The following BID variants were observed in gnomAD, a reference collection of about 807,000 sequenced individuals.
BID encodes BH3 interacting domain death agonist.
Under a neutral mutation model 17.4 loss-of-function variants are expected in BID, and 19 were observed. The ratio of observed to expected loss-of-function variants is 1.09; its 90% CI spans 0.76 to 1.60. The LOEUF (loss-of-function observed/expected upper bound fraction) is 1.60. BID is among the 40% of genes most tolerant of loss of function. BID has a pLI of 0.00. For synonymous variants in BID, 108 were observed against 102.8 expected (o/e 1.05, Z -0.31); for missense variants, 226 against 256.0 (o/e 0.88, Z 0.80).
intron 3 of BID, 191 bp from the exon 4 acceptor site, chr22:17,739,679 C>T: frequency 1.3e-6 from 1 of 744,608 alleles, no homozygotes; most frequent in South Asian, 1.9e-5. Flanking sequence ...GGGTTCTGGG[C>T]AGTGCCGGAG....
intron 1 of BID, among the ~76,000 whole-genome samples, chr22:17,762,234 C>T (rs546513950): frequency 2.6e-5 from 4 of 152,268 alleles, no homozygotes; most frequent in African/African-American, 9.6e-5. Flanking sequence ...AGGTGGCTCA[C>T]GCTCGTAATC....
chr22:17,752,988 A>G (rs1231030608), intron 1 of BID, among the ~76,000 whole-genome samples: 1 of 90,890 alleles, frequency 1.1e-5, no homozygotes, highest in Non-Finnish European at 2.1e-5. Flanking sequence ...TTTTTTTGAG[A>G]TGGAGTCTCG....
At position 17,740,754 on chromosome 22, in the gene BID, G is replaced by C. The variant is rs147887956; in HGVS notation, c.224-1266C>G. On this transcript the variant is annotated intron_variant, in intron 3 of 5. Coordinates refer to ENST00000622694, the MANE Select transcript of BID (RefSeq NM_001196.4). ...TACAAAAAACTTTTAAAGGGAGCCA[G>C]GTGTACCGCACGTACCTATAATCCC... 2.7e-3 allele frequency: 416 copies of C among 156,334 alleles called. 6 individuals carry two copies. The highest frequency in any genetic ancestry group is 0.026 in the South Asian group (139 of 5,270). 9.7% of individuals were successfully genotyped at this position (156,334 alleles called of 1,614,324 possible).
intron 1 of BID, among the ~76,000 whole-genome samples, chr22:17,770,353 G>A (rs774834357): frequency 5.9e-5 from 9 of 152,178 alleles, no homozygotes; most frequent in Non-Finnish European, 8.8e-5. Context: ...ATCACATGCA[G>A]TATCAGAAAA....
intron 1 of BID, among the ~76,000 whole-genome samples, chr22:17,755,892 G>A (rs1325379917): frequency 6.6e-6 from 1 of 152,070 alleles, no homozygotes; most frequent in Non-Finnish European, 1.5e-5. Context: ...TTCTGAGACG[G>A]AGTCTCACTC....
chr22:17,739,521 A>G (rs2061443586), intron 3 of BID, 33 bp from the exon 4 acceptor site: 7 of 1,594,572 alleles, frequency 4.4e-6, no homozygotes, highest in Non-Finnish European at 6.0e-6. Flanking sequence ...GAGACAGAGC[A>G]GACTCAGAAA....
intron 1 of BID, among the ~76,000 whole-genome samples, chr22:17,767,661 A>G (rs1295979768): frequency 2.0e-5 from 3 of 152,234 alleles, no homozygotes; most frequent in African/African-American, 7.2e-5. Flanking sequence ...CAATATGACC[A>G]CAAACCAATG....
intron 1 of BID, among the ~76,000 whole-genome samples, chr22:17,757,224 A>G (rs1178867662): frequency 6.6e-6 from 1 of 151,378 alleles, no homozygotes; most frequent in Non-Finnish European, 1.5e-5. Context: ...AGACCAGCCT[A>G]GGCAATCTGG....
intron 1 of BID, among the ~76,000 whole-genome samples, chr22:17,753,357 G>A (rs1251162216): frequency 6.6e-6 from 1 of 152,236 alleles, no homozygotes. Context: ...ACAGAGTGAG[G>A]GCAGCTCCCC....
chr22:17,749,976 G>T, intron 2 of BID, 129 bp downstream of exon 2: 1 of 890,042 alleles, frequency 1.1e-6, no homozygotes, highest in Non-Finnish European at 1.7e-6. Flanking sequence ...GGGTTCGTCT[G>T]TGCCGAGCTG....
chr22:17,750,083 C>A (rs1161022676), intron 2 of BID, 22 bp downstream of exon 2: 2 of 1,610,562 alleles, frequency 1.2e-6, no homozygotes, highest in Non-Finnish European at 1.7e-6. Flanking sequence ...ACAAGGCACC[C>A]GCAGGGGATC....
At chr22:17,752,700 G>A (rs1010168543) in intron 1 of BID, among the ~76,000 whole-genome samples, 1 of 151,000 alleles carries the variant, frequency 6.6e-6, no homozygotes, top group South Asian at 2.1e-4. Flanking sequence ...GAGTCTCACT[G>A]TGTCGCCCAG....
At chr22:17,758,106 G>A (rs1414631268) in intron 1 of BID, among the ~76,000 whole-genome samples, 1 of 152,196 alleles carries the variant, frequency 6.6e-6, no homozygotes, top group Non-Finnish European at 1.5e-5. Context: ...AGGTAACGGG[G>A]TCCAGTCATG....
At chr22:17,740,155 G>A in intron 3 of BID, 1 of 1,612,144 alleles carries the variant, frequency 6.2e-7, no homozygotes, top group Middle Eastern at 1.7e-4. Flanking sequence ...CTCAGCACTT[G>A]CTGTGTTATT....
At chr22:17,745,443 T>C (rs972583393) in intron 2 of BID, among the ~76,000 whole-genome samples, 2 of 151,990 alleles carry the variant, frequency 1.3e-5, no homozygotes, top group African/African-American at 4.8e-5. Context: ...GGAGGATCGT[T>C]TGAGCCCAGG....
intron 2 of BID, among the ~76,000 whole-genome samples, chr22:17,748,449 A>G (rs1444180801): frequency 2.0e-5 from 3 of 152,112 alleles, no homozygotes; most frequent in Non-Finnish European, 2.9e-5. Context: ...CGGAGCCTGC[A>G]GTGAGCGGAG....
At chr22:17,756,420 CTTTCTTTCTTTCTTCTTTCTT>C (rs1569047552) in intron 1 of BID, among the ~76,000 whole-genome samples, 21 of 131,350 alleles carry the variant, frequency 1.6e-4, no homozygotes, top group South Asian at 2.4e-4. Context: ...CTCTTTCTTT[CTTTCTTTCTTTCTTCTTTCTT>C]TCTTTCTTTC....
intron 1 of BID, among the ~76,000 whole-genome samples, chr22:17,758,018 T>C (rs926943710): frequency 6.6e-6 from 1 of 152,236 alleles, no homozygotes; most frequent in Non-Finnish European, 1.5e-5. Flanking sequence ...CTCTAGTTAC[T>C]GCATGGCTTC....
chr22:17,741,418 C>T (rs1203794598), intron 3 of BID, among the ~76,000 whole-genome samples: 2 of 152,002 alleles, frequency 1.3e-5, no homozygotes, highest in Non-Finnish European at 1.5e-5. Flanking sequence ...CCTGAAAGTA[C>T]GTCTGACTTA....
Sources: gnomAD v4.1 joint callset for allele counts (sites outside exome capture counted in the v4.1 genomes callset) on GRCh38, gnomAD v4.1.1 for gene constraint, MANE v1.5 for transcripts, NCBI Gene and HGNC (gene_info 2026-07-23, HGNC 2026-07-21) for gene names.